Variants in DSCAML1 observed in about 807,000 individuals in gnomAD.
The protein encoded by DSCAML1 is cell adhesion molecule DSCAML1.
DSCAML1 carries 38 observed loss-of-function variants against 200.5 expected under a neutral mutation model. The ratio of observed to expected loss-of-function variants is 0.19; its 90% CI spans 0.15 to 0.25. The LOEUF (loss-of-function observed/expected upper bound fraction) is 0.25, where lower values mean the gene tolerates loss of function less well. Ranked by LOEUF, DSCAML1 falls within the 10% of genes least tolerant of loss-of-function variation. The pLI is 1.00. For missense variants in DSCAML1, 2,223 were observed against 2,858.8 expected (o/e 0.78, Z 5.07); for synonymous variants, 1,215 against 1,165.0 (o/e 1.04, Z -0.87).
At chr11:117,741,857 C>T (rs981284679) in intron 3 of DSCAML1, among the ~76,000 whole-genome samples, 8 of 152,152 alleles carry the variant, frequency 5.3e-5, no homozygotes, top group African/African-American at 1.9e-4. Flanking sequence ...AGCTCCATAC[C>T]ACAGGCAAAG....
At chr11:117,655,552 T>C (rs1387052587) in intron 3 of DSCAML1, among the ~76,000 whole-genome samples, 1 of 152,184 alleles carries the variant, frequency 6.6e-6, no homozygotes, top group East Asian at 1.9e-4. Flanking sequence ...AGTGCAAAAG[T>C]GCAATCCATA....
chr11:117,464,882 C>A, intron 17 of DSCAML1, 60 bp downstream of exon 17: 2 of 1,582,642 alleles, frequency 1.3e-6, no homozygotes, highest in Admixed American at 1.7e-5. Flanking sequence ...CCCTCTCTGG[C>A]AGCCCTGGCT....
In DSCAML1 at chr11:117,437,528, T is replaced by A; in HGVS notation, c.4433-119A>T. 7.9e-7 allele frequency: 1 copy of A among 1,263,340 alleles called. No individual in the cohort carries two copies. Among genetic ancestry groups the A allele is most frequent in the South Asian group, 1.5e-5 (1 of 68,896 alleles). 78.3% of individuals were successfully genotyped at this position (1,263,340 alleles called of 1,614,324 possible). On this transcript the variant is annotated intron_variant, in intron 25 of 32. Transcript: ENST00000651296. The surrounding 1 kb of genome is among the most constrained non-coding windows in gnomAD (Gnocchi z 5.3). ...TGGGATGGCAGTGGCTCCAGGAGAA[T>A]ACATGTTTGGCACAGATGGGGTGGG...
intron 3 of DSCAML1, among the ~76,000 whole-genome samples, chr11:117,547,637 C>A (rs899794628): frequency 1.3e-5 from 2 of 152,208 alleles, no homozygotes; most frequent in Non-Finnish European, 2.9e-5. Context: ...CTTCCCTCCC[C>A]CAACACCCCG....
intron 3 of DSCAML1, among the ~76,000 whole-genome samples, chr11:117,736,847 C>T (rs151002926): frequency 2.2e-4 from 34 of 152,282 alleles, no homozygotes; most frequent in Non-Finnish European, 3.8e-4. Context: ...ATTGTAGGTC[C>T]CTCCGTGTGG....
intron 3 of DSCAML1, 66 bp from the exon 4 acceptor site, chr11:117,532,588 C>T (rs1021202240): frequency 3.8e-5 from 56 of 1,479,420 alleles, no homozygotes; most frequent in Middle Eastern, 1.8e-4. Context: ...GGCAGGGTAG[C>T]GTCTCTGACA....
intron 3 of DSCAML1, among the ~76,000 whole-genome samples, chr11:117,569,215 C>T (rs1042225458): frequency 6.6e-6 from 1 of 152,124 alleles, no homozygotes; most frequent in Non-Finnish European, 1.5e-5. Flanking sequence ...ATACAAAAAT[C>T]AATTCAAGAT....
intron 3 of DSCAML1, among the ~76,000 whole-genome samples, chr11:117,559,354 C>T (rs997100435): frequency 2.0e-5 from 3 of 152,100 alleles, no homozygotes; most frequent in Admixed American, 6.6e-5. Context: ...TCACTGACCC[C>T]GAGTTTTTAG....
intron 3 of DSCAML1, among the ~76,000 whole-genome samples, chr11:117,593,136 G>A (rs2051291077): frequency 6.6e-6 from 1 of 152,132 alleles, no homozygotes; most frequent in African/African-American, 2.4e-5. Flanking sequence ...GAGGGGCATA[G>A]GCCCAGCTCC....
intron 3 of DSCAML1, among the ~76,000 whole-genome samples, chr11:117,542,739 C>G (rs185760119): frequency 1.4e-4 from 21 of 152,366 alleles, no homozygotes; most frequent in Middle Eastern, 6.8e-3. Flanking sequence ...CCTCTCTTGA[C>G]CATTGGTACA....
At chr11:117,727,470 G>T (rs886910488) in intron 3 of DSCAML1, among the ~76,000 whole-genome samples, 3 of 152,212 alleles carry the variant, frequency 2.0e-5, no homozygotes, top group Non-Finnish European at 4.4e-5. Context: ...CTCACCCTAA[G>T]TTGGGTGTGA....
intron 3 of DSCAML1, among the ~76,000 whole-genome samples, chr11:117,673,145 G>C (rs2053145499): frequency 6.6e-6 from 1 of 152,120 alleles, no homozygotes; most frequent in African/African-American, 2.4e-5. Flanking sequence ...TGACGCCCTT[G>C]GCCCTTGCTG....
chr11:117,493,410 G>A (rs1462930282), intron 11 of DSCAML1, among the ~76,000 whole-genome samples: 3 of 148,840 alleles, frequency 2.0e-5, no homozygotes, highest in African/African-American at 5.0e-5. Context: ...TCCCCCTCCC[G>A]GGTTCAAGTG....
At chr11:117,787,187 A>G (rs959254959) in intron 1 of DSCAML1, among the ~76,000 whole-genome samples, 2 of 152,196 alleles carry the variant, frequency 1.3e-5, no homozygotes, top group Non-Finnish European at 2.9e-5. Flanking sequence ...TCTGTGCCTC[A>G]GTTTCCCCAT....
intron 11 of DSCAML1, among the ~76,000 whole-genome samples, chr11:117,484,045 C>T (rs565090983): frequency 1.3e-5 from 2 of 149,864 alleles, no homozygotes; most frequent in African/African-American, 4.9e-5. Flanking sequence ...CTGCCCCCCG[C>T]CCCTGCCCCG....
At position 117,505,321 on chromosome 11, in the gene DSCAML1, C is replaced by T; in HGVS notation, c.2062+133G>A. 2 of 1,272,086 alleles carry T rather than the reference C, an allele frequency of 1.6e-6. No homozygotes were observed. The highest frequency in any genetic ancestry group is 2.1e-6 in the Non-Finnish European group (2 of 936,096). 78.8% of individuals were successfully genotyped at this position (1,272,086 alleles called of 1,614,324 possible). A position where few individuals can be genotyped will look rare whatever the true frequency, so the allele number is the denominator to read the frequency against. ...TGCCCTGGAAAATAAGAGGTTTAGG[C>T]TCCAACAGGCCCTTCAAGATGCTGG... On this transcript the variant is annotated intron_variant, in intron 9 of 32. Transcript: ENST00000651296. The surrounding 1 kb of genome is among the most constrained non-coding windows in gnomAD (Gnocchi z 6.7).
At chr11:117,585,250 ATTT>A (rs889553367) in intron 3 of DSCAML1, among the ~76,000 whole-genome samples, 1 of 151,288 alleles carries the variant, frequency 6.6e-6, no homozygotes, top group Non-Finnish European at 1.5e-5. Flanking sequence ...GTTTTCTGCT[ATTT>A]TTTTTCTTTT....
chr11:117,608,462 AAC>A (rs1446103654), intron 3 of DSCAML1, among the ~76,000 whole-genome samples: 1 of 152,174 alleles, frequency 6.6e-6, no homozygotes, highest in Non-Finnish European at 1.5e-5. Flanking sequence ...TGTATATATA[AAC>A]ACACACACAT....
chr11:117,769,336 T>C (rs1319838475), intron 3 of DSCAML1, among the ~76,000 whole-genome samples: 4 of 4,830 alleles, frequency 8.3e-4, no homozygotes, highest in Admixed American at 7.9e-3. Context: ...ATATATATAA[T>C]ATATATTTTA....
Sources: gnomAD v4.1 joint callset for allele counts (sites outside exome capture counted in the v4.1 genomes callset) on GRCh38, gnomAD v4.1.1 for gene constraint, Gnocchi (gnomAD v3.1) non-coding constraint, MANE v1.5 for transcripts, NCBI Gene and HGNC (gene_info 2026-07-23, HGNC 2026-07-21) for gene names.